Variants in PHAF1 observed in about 807,000 individuals in gnomAD.
PHAF1 encodes the protein phagophore assembly factor 1, also known as phagosome assembly factor 1.
A neutral mutation model predicts 63.1 loss-of-function variants in PHAF1; 23 were observed. The ratio of observed to expected loss-of-function variants is 0.36; its 90% CI spans 0.26 to 0.52. The LOEUF is 0.52. PHAF1 is among the 20% of genes least tolerant of loss of function. The pLI, the probability that PHAF1 is intolerant of heterozygous loss-of-function variation, is 0.93. For synonymous variants in PHAF1, 167 were observed against 185.0 expected (o/e 0.90, Z 0.79); for missense variants, 427 against 517.2 (o/e 0.83, Z 1.69).
At chr16:67,114,073 T>C (rs1962642297) in intron 1 of PHAF1, among the ~76,000 whole-genome samples, 1 of 152,110 alleles carries the variant, frequency 6.6e-6, no homozygotes, top group Admixed American at 6.6e-5. Flanking sequence ...GAAATTAGTC[T>C]TGAAAGGGAC....
At chr16:67,134,918 T>G in intron 8 of PHAF1, 1 of 345,134 alleles carries the variant, frequency 2.9e-6, no homozygotes, top group South Asian at 2.2e-5. Context: ...TGCCACATAG[T>G]TGGTAGAAGA....
chr16:67,144,627 AG>A (rs1158261889), intron 11 of PHAF1, among the ~76,000 whole-genome samples: 1 of 152,164 alleles, frequency 6.6e-6, no homozygotes, highest in African/African-American at 2.4e-5. Flanking sequence ...CCAAGGTAAT[AG>A]GCTCTCCAGA....
Position 67,110,043 on chromosome 16 carries a change from G to A in PHAF1, c.-133G>A. 2.2e-6 allele frequency: 2 copies of A among 902,380 alleles called. No individual in the cohort carries two copies. The highest frequency in any genetic ancestry group is 1.6e-5 in the South Asian group (1 of 62,080). The allele number at this position is 902,380 out of a possible 1,614,324, so 55.9% of individuals were successfully genotyped here. The stretch of plus-strand genomic sequence containing the variant: ...TTGGGCCGGTGCTGCTGCCGCTGCC[G>A]CCGGGGAGGAGGTGGAAAGCGGGGC... On this transcript the variant is annotated 5_prime_UTR_variant, in exon 1 of 16. Transcript: ENST00000219139.
At chr16:67,117,591 A>G (rs1055833791) in intron 1 of PHAF1, among the ~76,000 whole-genome samples, 6 of 151,126 alleles carry the variant, frequency 4.0e-5, no homozygotes, top group South Asian at 2.1e-4. Flanking sequence ...CCTGGCTTAC[A>G]TGGTGAAACC....
At position 67,146,289 on chromosome 16, in the gene PHAF1, CA is replaced by C; in HGVS notation, c.1124del (p.Asn375ThrfsTer17). 6.2e-7 allele frequency: 1 copy of C among 1,614,088 alleles called. No homozygotes were observed. On this transcript the variant is annotated frameshift_variant, in exon 15 of 16. Transcript: ENST00000219139. LOFTEE classifies it high-confidence loss of function. The stretch of plus-strand genomic sequence containing the variant: ...TTCTTTGGCCTCAGGTCTTCCTCCC[CA>C]AACAACACCAACCCATTTGGTTCCA... ...KPVVLHRSSSPNNTNPFGSTF... is the reference protein window; with the variant it reads ...KPVVLHRSSSXNNTNPFGSTF...
intron 2 of PHAF1, among the ~76,000 whole-genome samples, chr16:67,123,692 C>T (rs554061710): frequency 1.8e-4 from 28 of 152,184 alleles, no homozygotes; most frequent in Non-Finnish European, 3.5e-4. Flanking sequence ...AACCACCGCA[C>T]CCAGCCAATG....
In PHAF1 at chr16:67,131,308, C is replaced by G; in HGVS notation, c.254C>G (p.Thr85Ser). The stretch of plus-strand genomic sequence containing the variant: ...TAGGTGATCGAAGTATGTGATTTGA[C>G]TAAAGTAAAGTTAAAATATTGGTAA... ...RLKVIEVCDL[T>S]KVKLKYCGVH... Residue 85 changes from threonine (T) to serine (S), a missense_variant, in exon 4 of 16, where the codon ACT becomes AGT. Thr to Ser is a moderately conservative substitution (Grantham distance 58). Transcript: ENST00000219139. 6.3e-7 allele frequency: 1 copy of G among 1,584,410 alleles called. No individual in the cohort carries two copies. Among genetic ancestry groups the G allele is most frequent in the Non-Finnish European group, 8.6e-7 (1 of 1,164,820 alleles).
At chr16:67,134,678 G>A (rs1963545210) in intron 8 of PHAF1, 1 of 660,660 alleles carries the variant, frequency 1.5e-6, no homozygotes, top group Non-Finnish European at 2.8e-6. Context: ...TTCAGTATCT[G>A]GATGCGCCTG....
chr16:67,127,046 G>T (rs148945173), intron 3 of PHAF1, among the ~76,000 whole-genome samples: 1 of 151,332 alleles, frequency 6.6e-6, no homozygotes, highest in African/African-American at 2.4e-5. Context: ...GTGCCACTAC[G>T]CCCAGCTAAT....
At chr16:67,117,873 C>A (rs937237860) in intron 1 of PHAF1, among the ~76,000 whole-genome samples, 23 of 151,208 alleles carry the variant, frequency 1.5e-4, no homozygotes, top group Admixed American at 1.2e-3. Context: ...AGTGCAGCCT[C>A]CACCTCCCAA....
At chr16:67,117,809 CTT>C (rs76207983) in intron 1 of PHAF1, among the ~76,000 whole-genome samples, 4 of 137,816 alleles carry the variant, frequency 2.9e-5, no homozygotes, top group Non-Finnish European at 3.1e-5. Context: ...CGCCCTGTTG[CTT>C]TTTTTTTTTT....
At chr16:67,123,348 G>A (rs1461269197) in intron 2 of PHAF1, among the ~76,000 whole-genome samples, 3 of 151,754 alleles carry the variant, frequency 2.0e-5, no homozygotes, top group Admixed American at 6.6e-5. Flanking sequence ...AGGCCGAGAC[G>A]GGCAGATCAC....
At chr16:67,114,452 G>A (rs1375267453) in intron 1 of PHAF1, among the ~76,000 whole-genome samples, 1 of 151,692 alleles carries the variant, frequency 6.6e-6, no homozygotes, top group Non-Finnish European at 1.5e-5. Flanking sequence ...AGTAGAAGAT[G>A]TATAGGGTAC....
Position 67,133,033 on chromosome 16 carries a change from G to A in PHAF1, c.450+122G>A. ...TAGGCAGACTTTCTTTGGTTTCCAT[G>A]TATTTGAGCTCTACAGGGTAAAGTG... On this transcript the variant is annotated intron_variant, in intron 6 of 15. Transcript: ENST00000219139. 7.4e-6 allele frequency: 6 copies of A among 815,976 alleles called. No homozygotes were observed. In the South Asian group the frequency reaches 9.9e-5, roughly 14 times the overall value. 50.5% of individuals were successfully genotyped at this position (815,976 alleles called of 1,614,324 possible). A position where few individuals can be genotyped will look rare whatever the true frequency, so the allele number is the denominator to read the frequency against.
chr16:67,139,343 C>CTTTTTTTTTTTTTTTTT (rs1164245105), intron 8 of PHAF1, among the ~76,000 whole-genome samples: 1 of 86,872 alleles, frequency 1.2e-5, no homozygotes, highest in Non-Finnish European at 2.0e-5. Flanking sequence ...ACAGCACTGC[C>CTTTTTTTTTTTTTTTTT]TTTTTTTTTT....
chr16:67,143,267 T>G (rs1328215613), intron 10 of PHAF1, among the ~76,000 whole-genome samples: 1 of 152,200 alleles, frequency 6.6e-6, no homozygotes, highest in Non-Finnish European at 1.5e-5. Flanking sequence ...GCCAGCATGG[T>G]GGCTCACGCC....
chr16:67,139,651 A>C (rs1963732139), intron 8 of PHAF1: 3 of 233,076 alleles, frequency 1.3e-5, no homozygotes, highest in Non-Finnish European at 2.5e-5. Flanking sequence ...GTCTGGCCAG[A>C]AACTGCACTG....
chr16:67,140,270 A>G (rs1024069236), intron 9 of PHAF1, among the ~76,000 whole-genome samples, 153 bp downstream of exon 9: 1 of 152,122 alleles, frequency 6.6e-6, no homozygotes, highest in Non-Finnish European at 1.5e-5. Flanking sequence ...CTGTAGTCCA[A>G]TTACCCTGAC....
intron 14 of PHAF1, 68 bp downstream of exon 14, chr16:67,145,696 C>T: frequency 6.6e-7 from 1 of 1,517,348 alleles, no homozygotes; most frequent in Middle Eastern, 1.7e-4. Context: ...CCCAGGGAAG[C>T]CTGGCACAGT....
Sources: gnomAD v4.1 joint callset for allele counts (sites outside exome capture counted in the v4.1 genomes callset) on GRCh38, gnomAD v4.1.1 for gene constraint, MANE v1.5 for transcripts, NCBI Gene and HGNC (gene_info 2026-07-23, HGNC 2026-07-21) for gene names.